Variants in CCNYL1 observed in about 807,000 individuals in gnomAD.
CCNYL1 encodes cyclin-Y-like protein 1.
A neutral mutation model predicts 44.2 loss-of-function variants in CCNYL1; 16 were observed. That is an observed-to-expected ratio of 0.36 (90% CI 0.25 to 0.55). The LOEUF is 0.55. Ranked by LOEUF, CCNYL1 falls within the 20% of genes least tolerant of loss-of-function variation. The probability of loss-of-function intolerance (pLI) is 0.85; values close to 1 mark genes in which losing one functional copy is unlikely to be tolerated. For missense variants in CCNYL1, 348 were observed against 451.8 expected, an observed-to-expected ratio of 0.77 and a Z score of 2.08; for synonymous variants, 159 against 163.2, an observed-to-expected ratio of 0.97 and a Z score of 0.20.
chr2:207,740,539 G>A (rs2091800823), intron 5 of CCNYL1, 116 bp from the exon 6 acceptor site: 1 of 705,632 alleles, frequency 1.4e-6, no homozygotes, highest in Admixed American at 2.5e-5. Context: ...TCTTTGCTTT[G>A]GTGAAGCAAA....
chr2:207,724,638 A>T (rs2091666197), intron 1 of CCNYL1, among the ~76,000 whole-genome samples, 162 bp from the exon 2 acceptor site: 2 of 152,186 alleles, frequency 1.3e-5, no homozygotes. Context: ...ACAATTTTGC[A>T]TTCCCCAGGA....
intron 3 of CCNYL1, among the ~76,000 whole-genome samples, chr2:207,729,250 G>GCCCCCCCCCCCCCCCCCC (rs1247562126): frequency 2.5e-4 from 17 of 68,204 alleles, no homozygotes; most frequent in South Asian, 8.3e-4. Flanking sequence ...ACTTGTCTCC[G>GCCCCCCCCCCCCCCCCCC]CCCCCCCCCG....
Position 207,751,137 on chromosome 2 carries a change from C to T in CCNYL1, c.969+18C>T. ...ACCTAGAGGTAAGGCTATGAAGTCA[C>T]TAAGTGAGGTTTTCCATCAGCCACC... On this transcript the variant is annotated intron_variant, in intron 9 of 9. Coordinates refer to ENST00000295414, the MANE Select transcript of CCNYL1 (RefSeq NM_001330218.2). 1.9e-6 allele frequency: 3 copies of T among 1,600,624 alleles called. No homozygotes were observed. Among genetic ancestry groups the T allele is most frequent in the Non-Finnish European group, 2.6e-6 (3 of 1,173,468 alleles).
At chr2:207,729,260 GCCCCCACCCCACCCCCCCCACCCC>G (rs1324024234) in intron 3 of CCNYL1, among the ~76,000 whole-genome samples, 1 of 38,508 alleles carries the variant, frequency 2.6e-5, no homozygotes, top group African/African-American at 1.5e-4. Flanking sequence ...GCCCCCCCCC[GCCCCCACCCCACCCCCCCCACCCC>G]CCCGCACTCT....
chr2:207,715,789 G>A (rs2091589829), intron 1 of CCNYL1, among the ~76,000 whole-genome samples: 1 of 150,850 alleles, frequency 6.6e-6, no homozygotes, highest in Non-Finnish European at 1.5e-5. Flanking sequence ...CAGTTCTCCT[G>A]CTTCAGCCTC....
At chr2:207,715,165 G>C (rs1334624361) in intron 1 of CCNYL1, among the ~76,000 whole-genome samples, 1 of 151,996 alleles carries the variant, frequency 6.6e-6, no homozygotes. Context: ...CTACTCAGGA[G>C]GCTAAGGCAG....
chr2:207,734,140 T>C (rs1477674789), intron 4 of CCNYL1, 93 bp downstream of exon 4: 1 of 711,624 alleles, frequency 1.4e-6, no homozygotes, highest in African/African-American at 1.8e-5. Flanking sequence ...CATTTGATTG[T>C]CCTTTTCAGC....
chr2:207,748,157 G>T (rs2091867946), intron 8 of CCNYL1, among the ~76,000 whole-genome samples: 1 of 152,148 alleles, frequency 6.6e-6, no homozygotes. Context: ...GAAGATCCCT[G>T]TGCCCCTGAC....
At chr2:207,715,967 C>T (rs1006034879) in intron 1 of CCNYL1, among the ~76,000 whole-genome samples, 3 of 152,158 alleles carry the variant, frequency 2.0e-5, no homozygotes, top group African/African-American at 4.8e-5. Context: ...TGAGCCACCA[C>T]GCCTGGTCTC....
chr2:207,713,687 A>C lies in CCNYL1; in HGVS notation c.220+1571A>C, dbSNP rs115216036. Among the ~76,000 whole-genome samples the C allele has an allele frequency of 4.5e-3, 682 of 152,344 alleles. 2 individuals are homozygous for C. The highest frequency in any genetic ancestry group is 7.4e-3 in the Non-Finnish European group (503 of 68,030). ...AATGTGTTAGAACTCTTATATTTAA[A>C]CTTTGCTTGGACTCTTAATTTCTTT... On this transcript the variant is annotated intron_variant, in intron 1 of 9. Transcript: ENST00000295414.
At chr2:207,720,979 G>T (rs2091636222) in intron 1 of CCNYL1, among the ~76,000 whole-genome samples, 1 of 109,786 alleles carries the variant, frequency 9.1e-6, no homozygotes, top group Admixed American at 7.7e-5. Context: ...AGCTTGGCTG[G>T]TACTGTGTGA....
At chr2:207,718,835 A>G (rs1407061809) in intron 1 of CCNYL1, among the ~76,000 whole-genome samples, 1 of 152,264 alleles carries the variant, frequency 6.6e-6, no homozygotes, top group Non-Finnish European at 1.5e-5. Flanking sequence ...TCCTGAAGGC[A>G]TACCCCATAA....
intron 1 of CCNYL1, among the ~76,000 whole-genome samples, chr2:207,717,039 G>A (rs895444033): frequency 1.1e-4 from 16 of 150,988 alleles, no homozygotes; most frequent in African/African-American, 2.4e-5. Context: ...AACCCAGGAG[G>A]CAGAGATTGC....
chr2:207,721,371 C>T (rs1174186380), intron 1 of CCNYL1, among the ~76,000 whole-genome samples: 2 of 152,152 alleles, frequency 1.3e-5, no homozygotes, highest in South Asian at 2.1e-4. Context: ...TTTACAATTG[C>T]ATAATTTTAA....
At chr2:207,728,671 C>T (rs764594307) in intron 3 of CCNYL1, among the ~76,000 whole-genome samples, 4 of 152,180 alleles carry the variant, frequency 2.6e-5, no homozygotes, top group African/African-American at 4.8e-5. Flanking sequence ...TTATAGTATT[C>T]TTGAATCTGT....
rs1276467655 is a variant in CCNYL1 at position 207,742,348 on chromosome 2, A to T, written c.639+6A>T. 6.2e-7 allele frequency: 1 copy of T among 1,607,676 alleles called. No individual in the cohort carries two copies. The highest frequency in any genetic ancestry group is 8.5e-7 in the Non-Finnish European group (1 of 1,177,294). On this transcript the variant is annotated splice_donor_region_variant and intron_variant, in intron 7 of 9. Transcript: ENST00000295414. The stretch of plus-strand genomic sequence containing the variant: ...AATGTGCAATAGTAACTTTGGTAAG[A>T]TATTTCTCATTTATAAAGTGTCTTT...
At chr2:207,712,850 C>T (rs1246689849) in intron 1 of CCNYL1, among the ~76,000 whole-genome samples, 2 of 152,142 alleles carry the variant, frequency 1.3e-5, no homozygotes, top group Non-Finnish European at 2.9e-5. Flanking sequence ...CTCGTTTTGT[C>T]GCCCGCCCAG....
At chr2:207,714,949 C>G (rs2091582045) in intron 1 of CCNYL1, 1 of 152,136 alleles carries the variant, frequency 6.6e-6, no homozygotes, top group South Asian at 2.1e-4. Context: ...ATATCAGTCT[C>G]CCTGGAAACA....
chr2:207,743,479 G>A (rs1403995389), intron 7 of CCNYL1, among the ~76,000 whole-genome samples: 1 of 152,184 alleles, frequency 6.6e-6, no homozygotes, highest in Non-Finnish European at 1.5e-5. Context: ...GCTAGGCATG[G>A]TAGTGCACAC....
Sources: gnomAD v4.1 joint callset for allele counts (sites outside exome capture counted in the v4.1 genomes callset) on GRCh38, gnomAD v4.1.1 for gene constraint, MANE v1.5 for transcripts, NCBI Gene and HGNC (gene_info 2026-07-23, HGNC 2026-07-21) for gene names.